MACROD2: variants seen among roughly 807,000 people sequenced by gnomAD.
The protein encoded by MACROD2 is mono-ADP ribosylhydrolase 2.
Under a neutral mutation model 70.4 loss-of-function variants are expected in MACROD2, and 36 were observed. The ratio of observed to expected loss-of-function variants is 0.51; its 90% confidence interval spans 0.39 to 0.68. The LOEUF (loss-of-function observed/expected upper bound fraction) is 0.68, where lower values mean the gene tolerates loss of function less well. MACROD2 is among the 30% of genes least tolerant of loss of function. The probability of loss-of-function intolerance (pLI) is 0.00; values close to 1 mark genes in which losing one functional copy is unlikely to be tolerated. For synonymous variants in MACROD2, 172 were observed against 178.8 expected, an observed-to-expected ratio of 0.96 and a Z score of 0.30; for missense variants, 496 against 538.4, an observed-to-expected ratio of 0.92 and a Z score of 0.78.
At chr20:14,171,116 C>G (rs1182737231) in intron 3 of MACROD2, among the ~76,000 whole-genome samples, 1 of 152,010 alleles carries the variant, frequency 6.6e-6, no homozygotes, top group Admixed American at 6.6e-5. Flanking sequence ...TCTAGGTTTT[C>G]TAGTTTATGC....
intron 4 of MACROD2, among the ~76,000 whole-genome samples, chr20:14,658,646 C>G (rs1356729113): frequency 1.3e-5 from 2 of 152,196 alleles, no homozygotes; most frequent in Non-Finnish European, 2.9e-5. Flanking sequence ...TGGAGTCTCA[C>G]TCTGTCACCC....
At chr20:14,507,281 A>C (rs1240146556) in intron 4 of MACROD2, among the ~76,000 whole-genome samples, 1 of 152,110 alleles carries the variant, frequency 6.6e-6, no homozygotes, top group Non-Finnish European at 1.5e-5. Context: ...CCTGTTACAT[A>C]TATGTTGTAA....
chr20:15,879,684 T>C (rs2064726588), intron 9 of MACROD2, among the ~76,000 whole-genome samples: 1 of 152,158 alleles, frequency 6.6e-6, no homozygotes, highest in South Asian at 2.1e-4. Flanking sequence ...GTCAGGTTTT[T>C]GCAGAGAAAA....
At chr20:15,769,022 C>A (rs1019434991) in intron 8 of MACROD2, among the ~76,000 whole-genome samples, 2 of 152,138 alleles carry the variant, frequency 1.3e-5, no homozygotes, top group African/African-American at 4.8e-5. Flanking sequence ...ACCTGAAGGA[C>A]CTTCCTGAGG....
chr20:15,595,483 C>A (rs6131681), intron 8 of MACROD2, among the ~76,000 whole-genome samples: 2 of 152,148 alleles, frequency 1.3e-5, no homozygotes, highest in East Asian at 3.9e-4. Flanking sequence ...TAAGTTTATT[C>A]ATTGCAACAT....
At chr20:15,137,122 T>C (rs1241114940) in intron 5 of MACROD2, among the ~76,000 whole-genome samples, 1 of 145,966 alleles carries the variant, frequency 6.9e-6, no homozygotes, top group African/African-American at 2.6e-5. Flanking sequence ...GACTGTAAAC[T>C]AGTTCAACCA....
chr20:15,337,876 A>G (rs2078066144), intron 6 of MACROD2, among the ~76,000 whole-genome samples: 1 of 151,676 alleles, frequency 6.6e-6, no homozygotes, highest in Non-Finnish European at 1.5e-5. Context: ...GTTTAAGCTC[A>G]TTTCTCTGTA....
chr20:14,290,181 C>T (rs1278964383), intron 3 of MACROD2, among the ~76,000 whole-genome samples: 2 of 152,164 alleles, frequency 1.3e-5, no homozygotes, highest in African/African-American at 4.8e-5. Context: ...TGGTCATTAC[C>T]TGGGTAACAA....
intron 6 of MACROD2, among the ~76,000 whole-genome samples, chr20:15,344,528 T>C (rs2078143661): frequency 1.3e-5 from 2 of 152,220 alleles, no homozygotes; most frequent in Admixed American, 1.3e-4. Context: ...CAATTTGATG[T>C]GAGCTCTGAG....
chr20:14,947,078 T>C (rs1291469705), intron 5 of MACROD2, among the ~76,000 whole-genome samples: 1 of 152,154 alleles, frequency 6.6e-6, no homozygotes, highest in Non-Finnish European at 1.5e-5. Context: ...CCATTTCTTA[T>C]CTCCCAAATA....
At chr20:15,736,965 G>A (rs368777471) in intron 8 of MACROD2, among the ~76,000 whole-genome samples, 1 of 152,126 alleles carries the variant, frequency 6.6e-6, no homozygotes, top group African/African-American at 2.4e-5. Context: ...AATGCAGAGT[G>A]AATAAAAAAA....
chr20:15,329,648 TTGAAG>T (rs1348059860), intron 6 of MACROD2, among the ~76,000 whole-genome samples: 1 of 152,170 alleles, frequency 6.6e-6, no homozygotes, highest in South Asian at 2.1e-4. Flanking sequence ...AAACAAAATC[TTGAAG>T]TGAATTCACA....
intron 6 of MACROD2, among the ~76,000 whole-genome samples, chr20:15,308,177 C>CAGATATAA (rs1296021210): frequency 1.3e-5 from 2 of 152,106 alleles, no homozygotes; most frequent in Non-Finnish European, 2.9e-5. Context: ...TCTTTGCAGA[C>CAGATATAA]ATACTGTGGA....
intron 8 of MACROD2, among the ~76,000 whole-genome samples, chr20:15,822,462 A>T (rs1360774793): frequency 6.6e-6 from 1 of 152,202 alleles, no homozygotes; most frequent in Non-Finnish European, 1.5e-5. Flanking sequence ...TCATAACTTA[A>T]TTACATTTAT....
intron 10 of MACROD2, among the ~76,000 whole-genome samples, chr20:15,905,835 C>A (rs2065139302): frequency 6.6e-6 from 1 of 152,200 alleles, no homozygotes; most frequent in African/African-American, 2.4e-5. Context: ...TAATGCCTTG[C>A]TCAAGTGTGC....
intron 12 of MACROD2, among the ~76,000 whole-genome samples, chr20:15,951,633 A>G (rs1025464386): frequency 6.6e-6 from 1 of 152,128 alleles, no homozygotes; most frequent in African/African-American, 2.4e-5. Flanking sequence ...ACTCACATAA[A>G]CATATATGTG....
intron 3 of MACROD2, among the ~76,000 whole-genome samples, chr20:14,356,785 G>A (rs1568574787): frequency 6.6e-6 from 1 of 152,070 alleles, no homozygotes; most frequent in Non-Finnish European, 1.5e-5. Context: ...GATTACAGGC[G>A]TGAGCCACCG....
At chr20:16,040,377 C>T (rs1459070423) in intron 15 of MACROD2, among the ~76,000 whole-genome samples, 3 of 151,834 alleles carry the variant, frequency 2.0e-5, no homozygotes, top group East Asian at 3.9e-4. Flanking sequence ...TAAATTTAAT[C>T]CTCTCTTTAA....
intron 5 of MACROD2, among the ~76,000 whole-genome samples, chr20:14,914,544 A>C (rs1023523426): frequency 9.2e-5 from 14 of 152,196 alleles, no homozygotes; most frequent in African/African-American, 3.4e-4. Flanking sequence ...TTGACAAAAC[A>C]TTCTCTTACA....
Sources: allele counts gnomAD v4.1 joint callset (sites outside exome capture counted in the v4.1 genomes callset), GRCh38; gene constraint gnomAD v4.1.1; transcripts MANE v1.5; gene names NCBI Gene and HGNC (gene_info 2026-07-23, HGNC 2026-07-21).